Variants in SOX5 observed in about 807,000 individuals in gnomAD.
SOX5 encodes SRY-box transcription factor 5.
In SOX5, 9 loss-of-function variants were observed where a neutral mutation model predicts 92.0. That is an observed-to-expected ratio of 0.10 (90% CI 0.06 to 0.17). The LOEUF (loss-of-function observed/expected upper bound fraction) is 0.17. Among genes scored for constraint, SOX5 ranks in the 10% least tolerant of loss-of-function variants. The pLI is 1.00. For missense variants in SOX5, 642 were observed against 944.5 expected, an observed-to-expected ratio of 0.68 and a Z score of 4.20; for synonymous variants, 344 against 336.3, an observed-to-expected ratio of 1.02 and a Z score of -0.25.
rs573873660 is a variant in SOX5 at position 23,732,494 on chromosome 12, G to T, written c.810+2190C>A. ...AAGCTGTGAAAATGAATTTCTTTCA[G>T]GTTATCAGTCTTGCTCAGTACTTAT... is the stretch of plus-strand genomic sequence containing the variant. On this transcript the variant is annotated intron_variant, in intron 6 of 14. Coordinates refer to ENST00000451604, the MANE Select transcript of SOX5 (RefSeq NM_006940.6). 2.0e-5 allele frequency among the ~76,000 whole-genome samples: 3 copies of T among 152,178 alleles called. No homozygotes were observed. In the East Asian group the frequency reaches 5.8e-4, roughly 29 times the overall value.
intron 2 of SOX5, among the ~76,000 whole-genome samples, chr12:24,294,790 C>T (rs1947009048): frequency 6.6e-6 from 1 of 152,226 alleles, no homozygotes; most frequent in South Asian, 2.1e-4. Flanking sequence ...GTAGCTTTGA[C>T]CCCACAGGGA....
At chr12:23,644,266 T>C (rs1166144508) in intron 7 of SOX5, among the ~76,000 whole-genome samples, 1 of 152,094 alleles carries the variant, frequency 6.6e-6, no homozygotes, top group Non-Finnish European at 1.5e-5. Flanking sequence ...CAACAGTTAA[T>C]GAAGGGAGCT....
chr12:23,768,695 C>T (rs1268120967), intron 3 of SOX5, among the ~76,000 whole-genome samples: 1 of 151,694 alleles, frequency 6.6e-6, no homozygotes, highest in Non-Finnish European at 1.5e-5. Context: ...AATCTAGTTG[C>T]AATTTTTTTT....
chr12:24,179,873 T>C (rs1422042085), intron 4 of SOX5, among the ~76,000 whole-genome samples: 3 of 151,966 alleles, frequency 2.0e-5, no homozygotes, highest in South Asian at 4.2e-4. Context: ...TTCTGGTCTA[T>C]TGTGAGTTAA....
Position 23,563,188 on chromosome 12 carries a change from AT to A in SOX5, c.1488+69del, listed in dbSNP as rs547046931. On this transcript the variant is annotated intron_variant, in intron 11 of 14. Coordinates refer to ENST00000451604, the MANE Select transcript of SOX5 (RefSeq NM_006940.6). ...GAGGATGATAAGAAGATGGAAATAT[AT>A]TTTTTTTAAAAAAGCATTAGGCAAT... is the stretch of plus-strand genomic sequence containing the variant. The A allele has an allele frequency of 1.2e-4, 146 of 1,254,812 alleles. 1 individual carries two copies. Among genetic ancestry groups the A allele is most frequent in the Non-Finnish European group, 1.5e-4 (129 of 886,408 alleles). 77.7% of individuals were successfully genotyped at this position (1,254,812 alleles called of 1,614,324 possible).
At chr12:23,902,060 G>T (rs1445418445) in intron 1 of SOX5, among the ~76,000 whole-genome samples, 1 of 152,146 alleles carries the variant, frequency 6.6e-6, no homozygotes, top group African/African-American at 2.4e-5. Flanking sequence ...GTAAGTAAAA[G>T]ATTATAAGAG....
At chr12:24,296,597 T>C (rs1947274125) in intron 2 of SOX5, among the ~76,000 whole-genome samples, 1 of 152,208 alleles carries the variant, frequency 6.6e-6, no homozygotes, top group Non-Finnish European at 1.5e-5. Context: ...AAAATACCTT[T>C]TGAAGAAGTG....
chr12:23,778,616 AT>A (rs2095181584), intron 3 of SOX5, among the ~76,000 whole-genome samples: 1 of 152,202 alleles, frequency 6.6e-6, no homozygotes, highest in Non-Finnish European at 1.5e-5. Context: ...AATTTAATGA[AT>A]TTAATCAGGA....
chr12:23,655,724 T>C (rs1029523901), intron 7 of SOX5, among the ~76,000 whole-genome samples: 3 of 152,102 alleles, frequency 2.0e-5, no homozygotes, highest in Non-Finnish European at 2.9e-5. Flanking sequence ...GGTAAGCCTA[T>C]GAGATACACA....
At chr12:23,756,767 T>G (rs2094396163) in intron 3 of SOX5, among the ~76,000 whole-genome samples, 1 of 151,922 alleles carries the variant, frequency 6.6e-6, no homozygotes, top group South Asian at 2.1e-4. Flanking sequence ...GTTCAGGCAT[T>G]TGTTTACTCC....
chr12:23,739,648 T>C (rs12303744), intron 5 of SOX5, among the ~76,000 whole-genome samples: 7,729 of 152,198 alleles, frequency 0.051, 653 homozygotes, highest in African/African-American at 0.18. Context: ...GATCTACCCT[T>C]AGTTCCTTTC....
intron 3 of SOX5, among the ~76,000 whole-genome samples, chr12:23,779,579 TA>T (rs2095216686): frequency 6.6e-6 from 1 of 151,730 alleles, no homozygotes; most frequent in South Asian, 2.1e-4. Context: ...ATATTCTGTT[TA>T]AAAACTGTTC....
intron 1 of SOX5, among the ~76,000 whole-genome samples, chr12:24,424,971 G>T (rs1263156643): frequency 3.9e-5 from 6 of 152,060 alleles, no homozygotes; most frequent in Non-Finnish European, 7.4e-5. Context: ...TAATCAGTAC[G>T]ATAAGTGGCT....
At chr12:24,052,515 T>C (rs1592702427) in intron 4 of SOX5, among the ~76,000 whole-genome samples, 1 of 152,334 alleles carries the variant, frequency 6.6e-6, no homozygotes, top group East Asian at 1.9e-4. Context: ...AAATTACCAA[T>C]TTAAACTCAA....
chr12:24,505,405 T>C lies in SOX5; in HGVS notation c.-251+56924A>G, dbSNP rs917875872. Among the ~76,000 whole-genome samples the C allele has an allele frequency of 2.6e-5, 4 of 152,308 alleles. No individual in the cohort carries two copies. The South Asian group carries it at 8.3e-4, about 32-fold the overall frequency. On this transcript the variant is annotated intron_variant, in intron 1 of 4. Coordinates refer to the SOX5 transcript ENST00000446891. ...GAAATTAAAAACAAGAATAAGGTGGTGGTTTCTTGAGATGTTACTGAATTA... is the reference window on the plus strand; with the variant it reads ...GAAATTAAAAACAAGAATAAGGTGGCGGTTTCTTGAGATGTTACTGAATTA...
intron 1 of SOX5, among the ~76,000 whole-genome samples, chr12:23,903,786 A>C (rs2097262283): frequency 6.6e-6 from 1 of 152,178 alleles, no homozygotes; most frequent in Non-Finnish European, 1.5e-5. Context: ...GTTGTAATTA[A>C]GGTTGTTGTG....
In SOX5 at chr12:23,963,039, G is replaced by T. The variant is rs555205821; in HGVS notation, c.-1-67015C>A. Among the ~76,000 whole-genome samples, 22 of 152,216 alleles carry T rather than the reference G, an allele frequency of 1.4e-4. No individual in the cohort carries two copies. The South Asian group carries it at 4.2e-3, about 29-fold the overall frequency. On this transcript the variant is annotated intron_variant, in intron 4 of 4. Transcript: ENST00000446891. ...ATCATTCTGATATTCTAGAGGCATG[G>T]CAGGGGAAAAATAAATACCACCACA... is the stretch of plus-strand genomic sequence containing the variant.
chr12:24,131,899 A>G (rs1455111414), intron 4 of SOX5, among the ~76,000 whole-genome samples: 3 of 152,130 alleles, frequency 2.0e-5, no homozygotes, highest in Admixed American at 6.6e-5. Flanking sequence ...TTTTGTCTAC[A>G]CGGACTAGAT....
intron 1 of SOX5, among the ~76,000 whole-genome samples, chr12:24,526,018 G>C (rs1007849020): frequency 6.6e-6 from 1 of 151,968 alleles, no homozygotes. Context: ...CCACAAGCAC[G>C]CACCACCATG....
Sources: allele counts gnomAD v4.1 joint callset (sites outside exome capture counted in the v4.1 genomes callset), GRCh38; gene constraint gnomAD v4.1.1; transcripts MANE v1.5; gene names NCBI Gene and HGNC (gene_info 2026-07-23, HGNC 2026-07-21).